CENPF: variants seen among roughly 807,000 people sequenced by gnomAD.
The protein encoded by CENPF is AH antigen.
In CENPF, 214 loss-of-function variants were observed where a neutral mutation model predicts 307.3. The observed-to-expected ratio is 0.70, with a 90% confidence interval of 0.62 to 0.78. CENPF has a LOEUF of 0.78. Ranked by LOEUF, CENPF falls within the 30% of genes least tolerant of loss-of-function variation. The pLI is 0.00. For missense variants in CENPF, 3,401 were observed against 3,483.9 expected (o/e 0.98, Z 0.60); for synonymous variants, 1,259 against 1,270.6 (o/e 0.99, Z 0.19).
At chr1:214,603,771 T>C (rs1001130467) in intron 1 of CENPF, 4 of 152,184 alleles carry the variant, frequency 2.6e-5, no homozygotes, top group African/African-American at 4.8e-5. Flanking sequence ...GGGGTGCCTA[T>C]GGTTAGTTAC....
chr1:214,628,684 T>A (rs184485378), intron 7 of CENPF, among the ~76,000 whole-genome samples: 1 of 152,324 alleles, frequency 6.6e-6, no homozygotes, highest in East Asian at 1.9e-4. Context: ...AAGAAGCATT[T>A]TAATATTTAA....
rs1361656721 is a variant in CENPF, at chr1:214,646,738, A to G, written c.7168A>G (p.Ile2390Val). ...LRGLELDVVT[I>V]RSEKENLTNE... is the part of the protein sequence containing the mutation. ...AGGTCTGGAATTAGATGTTGTTACT[A>G]TAAGGTCAGAAAAAGAAAATCTGAC... is the stretch of plus-strand genomic sequence containing the variant. The change falls in exon 13 of 20, where the codon ATA becomes GTA. Residue 2390 changes from isoleucine (I) to valine (V), a missense_variant. Physicochemically the swap from Ile to Val is conservative, Grantham distance 29. Coordinates refer to ENST00000366955, the MANE Select transcript of CENPF (RefSeq NM_016343.4). 1.9e-6 allele frequency: 3 copies of G among 1,613,916 alleles called. No individual in the cohort carries two copies. The highest frequency in any genetic ancestry group is 2.7e-5 in the African/African-American group (2 of 74,930).
In CENPF at chr1:214,646,448, T is replaced by C. The variant is rs199997097; in HGVS notation, c.6878T>C (p.Ile2293Thr). ...ACAGAACAGAGTCTAGACCCACCAA[T>C]AGAGGAAGAGCATCAGCTGAGAAAT... The part of the protein sequence containing the change: ...KATEQSLDPP[I>T]EEEHQLRNSI... The change falls in exon 13 of 20, where the codon ATA (isoleucine) becomes ACA (threonine). Residue 2293 changes from isoleucine (I) to threonine (T), a missense_variant. Ile to Thr is a moderately conservative substitution (Grantham distance 89). Transcript: ENST00000366955. 105 of 1,613,690 alleles carry C rather than the reference T, an allele frequency of 6.5e-5. No homozygotes were observed. The highest frequency in any genetic ancestry group is 1.6e-4 in the Middle Eastern group (1 of 6,076).
Position 214,652,853 on chromosome 1 carries a change from G to A in CENPF, c.8186G>A (p.Arg2729Gln), listed in dbSNP as rs335524. 717,796 of 1,593,726 alleles carry A rather than the reference G, an allele frequency of 0.45. 171,079 individuals carry two copies. The highest frequency in any genetic ancestry group is 0.88 in the East Asian group (39,458 of 44,716). ...TATGAAGTAGAAATCCAGACATACC[G>A]AGAGAAATTGACTTCTAAAGAAGAA... ...KQYEVEIQTY[R>Q]EKLTSKEECL... Residue 2729 changes from arginine (R) to glutamine (Q), a missense_variant, in exon 16 of 20, where the codon CGA becomes CAA. By Grantham distance (43) the Arg-to-Gln change is conservative. Transcript: ENST00000366955.
chr1:214,655,446 C>T, intron 17 of CENPF, 43 bp downstream of exon 17: 1 of 1,507,972 alleles, frequency 6.6e-7, no homozygotes. Flanking sequence ...GAACTCTTTT[C>T]CAGTAGTGAA....
chr1:214,640,644 C>T lies in CENPF; in HGVS notation c.2306C>T (p.Ser769Phe), dbSNP rs1349517087. 1.2e-6 allele frequency: 2 copies of T among 1,614,112 alleles called. No individual in the cohort carries two copies. The highest frequency in any genetic ancestry group is 1.3e-5 in the African/African-American group (1 of 75,054). ...EYESLRDLLK[S>F]KDASLVTNED... ...GAGAGCCTCAGGGATCTGCTAAAAT[C>T]CAAAGATGCTTCTCTGGTGACAAAT... Residue 769 changes from serine (S) to phenylalanine (F), a missense_variant, in exon 12 of 20, where the codon TCC becomes TTC. Physicochemically the swap from Ser to Phe is radical, Grantham distance 155 (BLOSUM62 -2). Transcript: ENST00000366955.
rs1281381374 is a variant in CENPF, at chr1:214,640,680, A to G, written c.2342A>G (p.Gln781Arg). Residue 781 changes from glutamine (Q) to arginine (R), a missense_variant, in exon 12 of 20, where the codon CAG becomes CGG. By Grantham distance (43) the Gln-to-Arg change is conservative (BLOSUM62 1). Coordinates refer to ENST00000366955, the MANE Select transcript of CENPF (RefSeq NM_016343.4). ...DASLVTNEDH[Q>R]RSLLAFDQQP... Reference sequence around the variant, plus strand: ...TCTCTGGTGACAAATGAAGATCATCAGAGAAGTCTTTTGGCTTTTGATCAG... The same window carrying G: ...TCTCTGGTGACAAATGAAGATCATCGGAGAAGTCTTTTGGCTTTTGATCAG... 2 of 1,613,978 alleles carry G rather than the reference A, an allele frequency of 1.2e-6. No individual in the cohort carries two copies. Among genetic ancestry groups the G allele is most frequent in the East Asian group, 2.2e-5 (1 of 44,866 alleles).
Position 214,620,791 on chromosome 1 carries a change from T to A in CENPF, c.710T>A (p.Ile237Asn). The change falls in exon 6 of 20, where the codon ATT becomes AAT. Residue 237 changes from isoleucine (I) to asparagine (N), a missense_variant. Ile to Asn is a moderately radical substitution (Grantham distance 149). Transcript: ENST00000366955. ...TCATCTAATTCTCAAAGAACTCCAA[T>A]TAGGAGAGATTTCTCTGCATCTTAC... ...HLSSNSQRTP[I>N]RRDFSASYFS... 1 of 1,614,108 alleles carries A rather than the reference T, an allele frequency of 6.2e-7. No homozygotes were observed. Among genetic ancestry groups the A allele is most frequent in the Non-Finnish European group, 8.5e-7 (1 of 1,180,008 alleles).
chr1:214,617,906 T>C (rs1657403120), intron 3 of CENPF, among the ~76,000 whole-genome samples: 1 of 152,198 alleles, frequency 6.6e-6, no homozygotes, highest in Admixed American at 6.5e-5. Flanking sequence ...CTGTCTGTAT[T>C]AGTCTGTTCT....
At chr1:214,638,683 G>A (rs1658025461) in intron 11 of CENPF, among the ~76,000 whole-genome samples, 1 of 152,148 alleles carries the variant, frequency 6.6e-6, no homozygotes, top group African/African-American at 2.4e-5. Context: ...ATCTTGGTGT[G>A]GTGGCGGGTG....
At chr1:214,621,089 T>C (rs964564747) in intron 6 of CENPF, 143 bp downstream of exon 6, 6 of 686,478 alleles carry the variant, frequency 8.7e-6, no homozygotes, top group African/African-American at 5.4e-5. Context: ...TTATGTGAAA[T>C]ATACTGTCTT....
rs777757704 is a variant in CENPF at position 214,642,153 on chromosome 1, A to G, written c.3815A>G (p.Tyr1272Cys). The G allele has an allele frequency of 6.2e-7, 1 of 1,614,014 alleles. No individual in the cohort carries two copies. Among genetic ancestry groups the G allele is most frequent in the Non-Finnish European group, 8.5e-7 (1 of 1,180,024 alleles). ...TGTGAAATAGATGCGGAAGAAAAGTATATTTCAGGGCCTCATGAGTTGTCA... is the reference window on the plus strand; with the variant it reads ...TGTGAAATAGATGCGGAAGAAAAGTGTATTTCAGGGCCTCATGAGTTGTCA... ...KDCEIDAEEK[Y>C]ISGPHELSTS... Residue 1272 changes from tyrosine (Y) to cysteine (C), a missense_variant, in exon 12 of 20, where the codon TAT (tyrosine) becomes TGT (cysteine). Coordinates refer to ENST00000366955, the MANE Select transcript of CENPF (RefSeq NM_016343.4).
intron 1 of CENPF, chr1:214,608,848 G>GCCGCCCGGGCCAGGCCC: frequency 6.4e-7 from 1 of 1,552,788 alleles, no homozygotes; most frequent in East Asian, 2.4e-5. Flanking sequence ...CATGGCGGGC[G>GCCGCCCGGGCCAGGCCC]CCGCCCGGGC....
At position 214,640,260 on chromosome 1, in the gene CENPF, A is replaced by C; in HGVS notation, c.1922A>C (p.Gln641Pro). Reference protein sequence around the residue: ...TQMESEKENLQSKINHLETCL... With the variant: ...TQMESEKENLPSKINHLETCL... The stretch of plus-strand genomic sequence containing the variant: ...ATGGAATCAGAAAAGGAAAACTTGC[A>C]GAGTAAAATTAATCACTTGGAAACT... Residue 641 changes from glutamine to proline, a missense_variant, in exon 12 of 20, where the codon CAG (glutamine) becomes CCG (proline). Gln to Pro is a moderately conservative substitution (Grantham distance 76). Transcript: ENST00000366955. 1 of 1,613,546 alleles carries C rather than the reference A, an allele frequency of 6.2e-7. No homozygotes were observed. The highest frequency in any genetic ancestry group is 8.5e-7 in the Non-Finnish European group (1 of 1,179,928).
intron 6 of CENPF, among the ~76,000 whole-genome samples, chr1:214,621,526 A>C (rs1571700752): frequency 6.6e-6 from 1 of 152,326 alleles, no homozygotes; most frequent in East Asian, 1.9e-4. Flanking sequence ...GAGAGCTGTC[A>C]CCTAGCCAAT....
Position 214,645,042 on chromosome 1 carries a change from A to T in CENPF, c.5472A>T (p.Ala1824=), listed in dbSNP as rs904543604. 2 of 1,613,918 alleles carry T rather than the reference A, an allele frequency of 1.2e-6. No homozygotes were observed. The highest frequency in any genetic ancestry group is 1.7e-6 in the Non-Finnish European group (2 of 1,179,980). ...QEVQLMTKIE[A]CIELEKIVGE... is the part of the protein sequence containing the mutation. ...TACAACTAATGACCAAAATTGAAGCATGCATAGAATTGGAAAAAATAGTTG... is the reference window on the plus strand; with the variant it reads ...TACAACTAATGACCAAAATTGAAGCTTGCATAGAATTGGAAAAAATAGTTG... Residue 1824 remains alanine (A), a synonymous_variant, in exon 13 of 20, where the codon GCA becomes GCT. Transcript: ENST00000366955.
intron 5 of CENPF, among the ~76,000 whole-genome samples, 175 bp downstream of exon 5, chr1:214,619,395 G>A (rs1216460367): frequency 2.0e-5 from 3 of 152,136 alleles, no homozygotes; most frequent in Non-Finnish European, 4.4e-5. Context: ...TTTAAAAATA[G>A]GGTGGAATGA....
chr1:214,623,175 C>T (rs1380350736), intron 7 of CENPF, among the ~76,000 whole-genome samples: 3 of 152,196 alleles, frequency 2.0e-5, no homozygotes, highest in East Asian at 3.8e-4. Flanking sequence ...TGTGCCACTG[C>T]ACTCCAGCTT....
At chr1:214,630,504 A>G in intron 8 of CENPF, 30 bp from the exon 9 acceptor site, 2 of 1,613,270 alleles carry the variant, frequency 1.2e-6, no homozygotes, top group Non-Finnish European at 1.7e-6. Context: ...AACCATCATC[A>G]GGCTGATGCA....
Sources: allele counts gnomAD v4.1 joint callset (sites outside exome capture counted in the v4.1 genomes callset), GRCh38; gene constraint gnomAD v4.1.1; transcripts MANE v1.5; gene names NCBI Gene and HGNC (gene_info 2026-07-23, HGNC 2026-07-21).